Variants in TTLL8 observed in about 807,000 individuals in gnomAD.
The protein encoded by TTLL8 is tubulin tyrosine ligase like 8, also known as protein monoglycylase TTLL8.
In TTLL8, 65 loss-of-function variants were observed where a neutral mutation model predicts 77.8. That is an observed-to-expected ratio of 0.84 (90% CI 0.68 to 1.03). The LOEUF is 1.03. TTLL8 is among the 50% of genes least tolerant of loss of function. TTLL8 has a pLI of 0.00. For synonymous variants in TTLL8, 402 were observed against 422.8 expected (o/e 0.95, Z 0.60); for missense variants, 910 against 1,004.5 (o/e 0.91, Z 1.27).
intron 8 of TTLL8, among the ~76,000 whole-genome samples, chr22:50,039,064 C>T (rs751898870): frequency 5.9e-5 from 9 of 151,984 alleles, no homozygotes; most frequent in South Asian, 2.1e-4. Context: ...AATAATATTT[C>T]GGTTAAAGTT....
intron 8 of TTLL8, among the ~76,000 whole-genome samples, chr22:50,038,631 G>A (rs919375154): frequency 6.6e-6 from 1 of 152,144 alleles, no homozygotes; most frequent in African/African-American, 2.4e-5. Context: ...GGGCAACATA[G>A]CAAGACCCTG....
chr22:50,057,240 G>T (rs1249174369), upstream of TTLL8, among the ~76,000 whole-genome samples: 1 of 147,274 alleles, frequency 6.8e-6, no homozygotes. Flanking sequence ...TCAGGTCTGG[G>T]TTGAGGGATC....
At chr22:50,030,998 G>A (rs547453487) in intron 11 of TTLL8, 73 bp from the exon 13 acceptor site, 47 of 1,230,654 alleles carry the variant, frequency 3.8e-5, no homozygotes, top group Non-Finnish European at 4.9e-5. Context: ...AGGGGTCTGT[G>A]CAGGAGGGGC....
At chr22:50,036,793 T>A (rs1229825403) in intron 8 of TTLL8, among the ~76,000 whole-genome samples, 5 of 152,054 alleles carry the variant, frequency 3.3e-5, no homozygotes, top group African/African-American at 1.2e-4. Context: ...GAAACAGATT[T>A]CACCATTTTT....
chr22:50,038,605 C>G (rs2061350954), intron 8 of TTLL8, among the ~76,000 whole-genome samples: 1 of 152,158 alleles, frequency 6.6e-6, no homozygotes, highest in South Asian at 2.1e-4. Context: ...TGAGGCCAGG[C>G]ATTCAAGACA....
chr22:50,024,371 C>T (rs137883), intron 12 of TTLL8, among the ~76,000 whole-genome samples: 38,513 of 151,920 alleles, frequency 0.25, 5,081 homozygotes, highest in Middle Eastern at 0.36. Flanking sequence ...ATGATCCGCC[C>T]GCCTCGGCCT....
exon 11 of TTLL8, chr22:50,032,046 G>C: frequency 7.3e-7 from 1 of 1,366,182 alleles, no homozygotes; most frequent in Non-Finnish European, 9.8e-7. Context: ...CGGGCAGCAG[G>C]GGGCTGCGGC....
At chr22:50,043,146 G>A (rs775908107) in intron 6 of TTLL8, among the ~76,000 whole-genome samples, 6 of 151,982 alleles carry the variant, frequency 3.9e-5, no homozygotes, top group South Asian at 2.1e-4. Context: ...TCCTTCAGTA[G>A]ATGGATAGAT....
chr22:50,046,644 C>G (rs1037111505), intron 4 of TTLL8, among the ~76,000 whole-genome samples: 1 of 152,224 alleles, frequency 6.6e-6, no homozygotes, highest in Non-Finnish European at 1.5e-5. Flanking sequence ...CTGAGGCAGC[C>G]GCACCTGGCC....
Position 50,036,716 on chromosome 22 carries a change from A to G in TTLL8, c.922-2254T>C, listed in dbSNP as rs565058217. ...CCAATTCAAGCGATGCTCCTGCCTCAGCCTCCCAAGTAGCTGGGATTACAG... is the reference window on the plus strand; with the variant it reads ...CCAATTCAAGCGATGCTCCTGCCTCGGCCTCCCAAGTAGCTGGGATTACAG... On this transcript the variant is annotated intron_variant, in intron 8 of 13. Coordinates refer to ENST00000266182, the Ensembl canonical transcript of TTLL8. Among the ~76,000 whole-genome samples, 11 of 151,688 alleles carry G rather than the reference A, an allele frequency of 7.3e-5. No individual in the cohort carries two copies. In the East Asian group the frequency reaches 2.1e-3, roughly 29 times the overall value.
intron 12 of TTLL8, among the ~76,000 whole-genome samples, chr22:50,024,960 G>GT (rs940131287): frequency 1.3e-5 from 2 of 152,158 alleles, no homozygotes; most frequent in South Asian, 2.1e-4. Context: ...TGTTCTGAGT[G>GT]TTTTTTTCCC....
intron 8 of TTLL8, among the ~76,000 whole-genome samples, chr22:50,037,100 A>C (rs1195591252): frequency 6.6e-6 from 1 of 152,220 alleles, no homozygotes; most frequent in African/African-American, 2.4e-5. Flanking sequence ...AACGTGTAAG[A>C]AACTGTCAAA....
intron 12 of TTLL8, among the ~76,000 whole-genome samples, chr22:50,029,502 G>T (rs1396566004): frequency 1.3e-5 from 2 of 152,076 alleles, no homozygotes; most frequent in African/African-American, 4.8e-5. Flanking sequence ...AGCACCTTGG[G>T]AGGCTGAGGC....
intron 3 of TTLL8, 165 bp downstream of exon 5, chr22:50,049,084 C>CA (rs1267309940): frequency 1.1e-6 from 1 of 933,978 alleles, no homozygotes; most frequent in Non-Finnish European, 1.3e-6. Flanking sequence ...CCCCTGGGGG[C>CA]AGCCAGGCCC....
chr22:50,026,952 G>A (rs1049050339), intron 12 of TTLL8, among the ~76,000 whole-genome samples: 4 of 152,146 alleles, frequency 2.6e-5, no homozygotes, highest in Admixed American at 6.5e-5. Context: ...AAAAAAAGTC[G>A]GCCAGGTGCG....
chr22:50,048,163 T>C (rs137907), intron 3 of TTLL8, among the ~76,000 whole-genome samples: 149,567 of 151,686 alleles, frequency 0.99, 73,739 homozygotes, highest in Middle Eastern at 1. Context: ...AGCATACTAA[T>C]CACTAACCAC....
At chr22:50,029,255 CCCCATCACACCATCCTGAAGA>C (rs2146639343) in intron 12 of TTLL8, among the ~76,000 whole-genome samples, 7 of 36,362 alleles carry the variant, frequency 1.9e-4, no homozygotes, top group East Asian at 2.0e-3. Flanking sequence ...CTCGTAAAGA[CCCCATCACACCATCCTGAAGA>C]CCCCACACAC....
chr22:50,032,776 C>T (rs926808105), intron 10 of TTLL8, among the ~76,000 whole-genome samples: 4 of 152,192 alleles, frequency 2.6e-5, no homozygotes, highest in African/African-American at 7.2e-5. Flanking sequence ...CACAGGCTCT[C>T]GCCCTCCTGC....
intron 11 of TTLL8, 76 bp from the exon 13 acceptor site, chr22:50,031,001 G>A (rs1211160995): frequency 8.2e-7 from 1 of 1,222,480 alleles, no homozygotes; most frequent in African/African-American, 1.6e-5. Context: ...GGTCTGTGCA[G>A]GAGGGGCTGG....
Sources: gnomAD v4.1 joint callset for allele counts (sites outside exome capture counted in the v4.1 genomes callset) on GRCh38, gnomAD v4.1.1 for gene constraint, MANE v1.5 for transcripts, NCBI Gene and HGNC (gene_info 2026-07-23, HGNC 2026-07-21) for gene names.